PTGES: variants seen among roughly 807,000 people sequenced by gnomAD.
PTGES encodes the protein MGST1-like 1.
In PTGES, 3 loss-of-function variants were observed where a neutral mutation model predicts 11.8. That is an observed-to-expected ratio of 0.25 (90% confidence interval 0.12 to 0.66). PTGES has a LOEUF of 0.66. Ranked by LOEUF, PTGES falls within the 30% of genes least tolerant of loss-of-function variation. The pLI is 0.82. For synonymous variants in PTGES, 94 were observed against 90.4 expected (o/e 1.04, Z -0.22); for missense variants, 180 against 213.0 (o/e 0.85, Z 0.96).
chr9:129,748,120 T>C (rs1833065673), intron 2 of PTGES, among the ~76,000 whole-genome samples: 1 of 146,730 alleles, frequency 6.8e-6, no homozygotes. Context: ...TTATGGGCTG[T>C]ACATTCAACA....
rs377507041 is a variant in PTGES at position 129,752,926 on chromosome 9, C to G, written c.87G>C (p.Val29=). Residue 29 remains valine, a synonymous_variant, in exon 1 of 3, where the codon GTG becomes GTC. Coordinates refer to ENST00000340607, the MANE Select transcript of PTGES (RefSeq NM_004878.5). The part of the protein sequence containing the change: ...CSTLLVIKMY[V]VAIITGQVRL... The stretch of plus-strand genomic sequence containing the variant: ...TCACTTGGCCCGTGATGATGGCCAC[C>G]ACGTACATCTTGATGACCAGCAGCG... 16 of 1,613,758 alleles carry G rather than the reference C, an allele frequency of 9.9e-6. No individual in the cohort carries two copies. In the East Asian group the frequency reaches 1.1e-4, roughly 11 times the overall value.
intron 2 of PTGES, among the ~76,000 whole-genome samples, chr9:129,743,368 C>T (rs1208015009): frequency 6.6e-6 from 1 of 152,312 alleles, no homozygotes; most frequent in East Asian, 1.9e-4. Context: ...GAGGCAGGCA[C>T]GTACCACAGA....
At position 129,750,463 on chromosome 9, in the gene PTGES, A is replaced by G. The variant is rs375123372; in HGVS notation, c.127-1726T>C. 3.9e-4 allele frequency among the ~76,000 whole-genome samples: 60 copies of G among 152,304 alleles called. No homozygotes were observed. In the East Asian group the frequency reaches 8.1e-3, roughly 21 times the overall value. On this transcript the variant is annotated intron_variant, in intron 1 of 2. Transcript: ENST00000340607. ...GTCCGTGGATCTGTGATACGTTTCA[A>G]GGGGCCTCAGCATACAGTGGGCACT... is the stretch of plus-strand genomic sequence containing the variant.
chr9:129,751,011 TC>T (rs1401701860), intron 1 of PTGES, among the ~76,000 whole-genome samples: 1 of 152,088 alleles, frequency 6.6e-6, no homozygotes, highest in Non-Finnish European at 1.5e-5. Context: ...GTTCACCTCC[TC>T]CCTTCCCCGA....
chr9:129,746,334 G>A (rs1279734159), intron 2 of PTGES, among the ~76,000 whole-genome samples: 1 of 152,118 alleles, frequency 6.6e-6, no homozygotes, highest in Non-Finnish European at 1.5e-5. Flanking sequence ...CAGGAGGGCC[G>A]CCACAGCTGG....
chr9:129,747,185 C>T (rs1833056343), intron 2 of PTGES, among the ~76,000 whole-genome samples: 3 of 152,232 alleles, frequency 2.0e-5, no homozygotes, highest in Admixed American at 1.3e-4. Flanking sequence ...TGAGCCACCA[C>T]ATCTGGTCAA....
intron 2 of PTGES, among the ~76,000 whole-genome samples, chr9:129,743,862 T>C (rs563169886): frequency 6.6e-6 from 1 of 152,256 alleles, no homozygotes; most frequent in Admixed American, 6.5e-5. Flanking sequence ...GAAGATCTTT[T>C]TTTTGAGACA....
chr9:129,752,833 A>T, intron 1 of PTGES, 54 bp downstream of exon 1: 1 of 1,613,008 alleles, frequency 6.2e-7, no homozygotes, highest in South Asian at 1.1e-5. Context: ...TCCTGACAGG[A>T]CGTGGAGAGA....
intron 1 of PTGES, 27 bp from the exon 2 acceptor site, chr9:129,748,764 C>A (rs1833072170): frequency 6.4e-7 from 1 of 1,557,018 alleles, no homozygotes; most frequent in Admixed American, 1.8e-5. Flanking sequence ...GAGAGTCACT[C>A]CTCGTGAGAC....
chr9:129,743,717 T>A (rs1288184932), intron 2 of PTGES, among the ~76,000 whole-genome samples: 1 of 152,180 alleles, frequency 6.6e-6, no homozygotes, highest in Non-Finnish European at 1.5e-5. Context: ...CAAAGGCAGG[T>A]ATACAAGACA....
At chr9:129,744,834 G>C (rs539850900) in intron 2 of PTGES, among the ~76,000 whole-genome samples, 1 of 149,628 alleles carries the variant, frequency 6.7e-6, no homozygotes, top group Non-Finnish European at 1.5e-5. Flanking sequence ...CCGAAACCAC[G>C]CTATTGCACT....
chr9:129,747,073 C>A (rs564216913), intron 2 of PTGES, among the ~76,000 whole-genome samples: 4 of 152,138 alleles, frequency 2.6e-5, no homozygotes, highest in African/African-American at 9.7e-5. Flanking sequence ...CCACCATGCC[C>A]GGCTAATTTT....
intron 2 of PTGES, among the ~76,000 whole-genome samples, chr9:129,748,243 T>TAGTACAG (rs1252829332): frequency 4.5e-5 from 5 of 110,672 alleles, no homozygotes; most frequent in African/African-American, 1.8e-4. Context: ...AAAAAAAGCA[T>TAGTACAG]AGTACAGACC....
chr9:129,752,817 G>C (rs1833127636), intron 1 of PTGES, 70 bp downstream of exon 1: 1 of 1,610,564 alleles, frequency 6.2e-7, no homozygotes, highest in East Asian at 2.2e-5. Flanking sequence ...CCCTATCCCG[G>C]GGCTTTCCTG....
intron 1 of PTGES, chr9:129,749,383 G>C (rs7467413): frequency 0.095 from 14,669 of 153,718 alleles, 771 homozygotes; most frequent in East Asian, 0.19. Flanking sequence ...TACAGTGGCT[G>C]ATGTCTGTAA....
At chr9:129,749,655 A>T (rs1444316818) in intron 1 of PTGES, 1 of 152,330 alleles carries the variant, frequency 6.6e-6, no homozygotes, top group African/African-American at 2.4e-5. Flanking sequence ...GTCTCCAAAA[A>T]AAATAAAACA....
intron 2 of PTGES, among the ~76,000 whole-genome samples, chr9:129,740,871 G>A (rs1453419266): frequency 6.6e-6 from 1 of 152,198 alleles, no homozygotes; most frequent in Non-Finnish European, 1.5e-5. Context: ...CAGGCCACGC[G>A]TGTGAGGTGC....
At position 129,739,629 on chromosome 9, in the gene PTGES, T is replaced by C; in HGVS notation, c.441A>G (p.Glu147=). 6.4e-7 allele frequency: 1 copy of C among 1,551,958 alleles called. No homozygotes were observed. Among genetic ancestry groups the C allele is most frequent in the Non-Finnish European group, 8.7e-7 (1 of 1,147,616 alleles). ...CASMALQILW[E]AARHL ...CTGCTGGTCACAGGTGGCGGGCCGCTTCCCAGAGGATCTGCAGAGCCATGG... is the reference window on the plus strand; with the variant it reads ...CTGCTGGTCACAGGTGGCGGGCCGCCTCCCAGAGGATCTGCAGAGCCATGG... The change falls in exon 3 of 3, where the codon GAA becomes GAG. Residue 147 remains glutamate, a synonymous_variant. Coordinates refer to ENST00000340607, the MANE Select transcript of PTGES (RefSeq NM_004878.5). The surrounding 1 kb of genome is among the most constrained non-coding windows in gnomAD (Gnocchi z 5.7).
At position 129,739,419 on chromosome 9, in the gene PTGES, C is replaced by CAT; in HGVS notation, c.*190_*191dup. 3 of 722,924 alleles carry CAT rather than the reference C, an allele frequency of 4.1e-6. No individual in the cohort carries two copies. The East Asian group carries it at 8.3e-5, about 20-fold the overall frequency. 44.8% of individuals were successfully genotyped at this position (722,924 alleles called of 1,614,324 possible). A position where few individuals can be genotyped will look rare whatever the true frequency, so the allele number is the denominator to read the frequency against. On this transcript the variant is annotated 3_prime_UTR_variant, in exon 3 of 3. Coordinates refer to ENST00000340607, the MANE Select transcript of PTGES (RefSeq NM_004878.5). The surrounding 1 kb of genome is among the most constrained non-coding windows in gnomAD (Gnocchi z 5.7). ...TGCAGGAATCCAAGGGGCTAAGAAA[C>CAT]ATACACACACACATACACACACACG... is the stretch of plus-strand genomic sequence containing the variant.
Sources: allele counts gnomAD v4.1 joint callset (sites outside exome capture counted in the v4.1 genomes callset), GRCh38; gene constraint gnomAD v4.1.1; non-coding constraint Gnocchi (gnomAD v3.1); transcripts MANE v1.5; gene names NCBI Gene and HGNC (gene_info 2026-07-23, HGNC 2026-07-21).